Variants in RBM4 observed in about 807,000 individuals in gnomAD.
The protein encoded by RBM4 is RNA-binding protein 4.
A neutral mutation model predicts 29.5 loss-of-function variants in RBM4; 7 were observed. The ratio of observed to expected loss-of-function variants is 0.24; its 90% CI spans 0.14 to 0.45. The LOEUF (loss-of-function observed/expected upper bound fraction) is 0.45. Among genes scored for constraint, RBM4 ranks in the 20% least tolerant of loss-of-function variants. RBM4 has a pLI of 1.00. For synonymous variants in RBM4, 220 were observed against 205.4 expected (o/e 1.07, Z -0.61); for missense variants, 387 against 502.3 (o/e 0.77, Z 2.19).
In RBM4 at chr11:66,643,788, C is replaced by T. The variant is rs1938570079; in HGVS notation, c.751C>T (p.Gln251Ter). The T allele has an allele frequency of 6.2e-7, 1 of 1,614,004 alleles. No individual in the cohort carries two copies. The highest frequency in any genetic ancestry group is 8.5e-7 in the Non-Finnish European group (1 of 1,180,000). ...TAATTACGCAGAGCAGACCCTGTCC[C>T]AGCTGCCACAAGTCCAGAATACAGC... ...VYNYAEQTLS[Q>*]LPQVQNTAMA... The change falls in exon 3 of 4, where the codon CAG (glutamine) becomes TAG (stop). Residue 251 changes from glutamine to a stop codon, truncating the protein, a stop_gained. Transcript: ENST00000310092. LOFTEE classifies it high-confidence loss of function. This position sits in a 1 kb window ranked among gnomAD's most constrained non-coding sequence, Gnocchi z 6.1.
At chr11:66,650,176 G>T (rs1012288176), downstream of RBM4, among the ~76,000 whole-genome samples, 1 of 152,218 alleles carries the variant, frequency 6.6e-6, no homozygotes, top group Non-Finnish European at 1.5e-5. Context: ...TTGATGACAT[G>T]TGCCTCGGCC....
In RBM4 at chr11:66,644,150, G is replaced by C; in HGVS notation, c.*8+10G>C. The C allele has an allele frequency of 6.2e-7, 1 of 1,600,666 alleles. No individual in the cohort carries two copies. The highest frequency in any genetic ancestry group is 1.1e-5 in the South Asian group (1 of 89,000). On this transcript the variant is annotated intron_variant, in intron 3 of 3. Coordinates refer to ENST00000310092, the MANE Select transcript of RBM4 (RefSeq NM_002896.4). ...CCTTTTAAAGCTTGAGGTGAGAGGG[G>C]TGGGGTGTTCCCTCTTCTGGTTTTG... is the stretch of plus-strand genomic sequence containing the variant.
intron 1 of RBM4, chr11:66,639,480 A>G (rs912339977): frequency 3.3e-5 from 20 of 610,332 alleles, no homozygotes; most frequent in Middle Eastern, 4.4e-4. Context: ...TCTACTAAGG[A>G]CCTCCCTATT....
At position 66,646,162 on chromosome 11, in the gene RBM4, T is replaced by A. The variant is rs1174762737; in HGVS notation, c.*144T>A. The stretch of plus-strand genomic sequence containing the variant: ...AACCGTGGACCTTAATTTACCTTGC[T>A]AAGTTCAGACCTTCTCTTCCTTTCC... On this transcript the variant is annotated 3_prime_UTR_variant, in exon 4 of 4. Transcript: ENST00000310092. 1 of 1,524,574 alleles carries A rather than the reference T, an allele frequency of 6.6e-7. No homozygotes were observed. Among genetic ancestry groups the A allele is most frequent in the African/African-American group, 1.4e-5 (1 of 72,776 alleles). 94.4% of individuals were successfully genotyped at this position (1,524,574 alleles called of 1,614,324 possible). A position where few individuals can be genotyped will look rare whatever the true frequency, so the allele number is the denominator to read the frequency against.
intron 2 of RBM4, among the ~76,000 whole-genome samples, chr11:66,660,328 T>C (rs942413711): frequency 2.6e-5 from 4 of 151,194 alleles, no homozygotes; most frequent in African/African-American, 9.7e-5. Flanking sequence ...CACAATTTCT[T>C]TTTTTTTGAG....
At chr11:66,665,532 T>G in intron 2 of RBM4, 1 of 1,462,460 alleles carries the variant, frequency 6.8e-7, no homozygotes, top group South Asian at 1.2e-5. Context: ...CGGAGCAAGT[T>G]CTCATATATG....
At chr11:66,655,527 ACCTCGGCCTCCCAAAGTG>A (rs1360139969) in intron 2 of RBM4, among the ~76,000 whole-genome samples, 1 of 151,662 alleles carries the variant, frequency 6.6e-6, no homozygotes, top group Non-Finnish European at 1.5e-5. Flanking sequence ...AGCGATTCTC[ACCTCGGCCTCCCAAAGTG>A]CTGGGATTAT....
intron 2 of RBM4, among the ~76,000 whole-genome samples, chr11:66,660,349 CTCTTT>C (rs1265647706): frequency 6.9e-6 from 1 of 145,194 alleles, no homozygotes; most frequent in African/African-American, 2.5e-5. Context: ...ATGGGAGTCT[CTCTTT>C]TTTTTTTTTT....
intron 1 of RBM4, 40 bp from the exon 2 acceptor site, chr11:66,639,660 C>T (rs746849591): frequency 1.9e-6 from 3 of 1,596,484 alleles, no homozygotes; most frequent in African/African-American, 2.7e-5. Context: ...CGGATGTGGG[C>T]CTGAGGTCTT....
At chr11:66,644,718 A>G in intron 3 of RBM4, 7 of 971,602 alleles carry the variant, frequency 7.2e-6, no homozygotes, top group Non-Finnish European at 7.3e-6. Flanking sequence ...TTCAACCCTT[A>G]TGAGTTTTAT....
At position 66,662,642 on chromosome 11, in the gene RBM4, A is replaced by G. The variant is rs546905126; in HGVS notation, c.413-3214A>G. 7.2e-5 allele frequency among the ~76,000 whole-genome samples: 11 copies of G among 152,262 alleles called. No homozygotes were observed. The East Asian group carries it at 1.5e-3, about 21-fold the overall frequency. On this transcript the variant is annotated intron_variant, in intron 2 of 2. Transcript: ENST00000396053. ...GGTCTCAAACTCTTGAGCTCGGGCA[A>G]TCCACCTGCCTCAGCCTCCCAAAAT...
At chr11:66,640,580 C>T in intron 2 of RBM4, 1 of 243,582 alleles carries the variant, frequency 4.1e-6, no homozygotes, top group Non-Finnish European at 7.9e-6. Flanking sequence ...GCTGTCCTAC[C>T]TTACACAAAC....
downstream of RBM4, among the ~76,000 whole-genome samples, chr11:66,650,465 G>C (rs1938800689): frequency 6.6e-6 from 1 of 151,908 alleles, no homozygotes; most frequent in Non-Finnish European, 1.5e-5. Flanking sequence ...CATCTGCTTG[G>C]GAGGCTGAGG....
At chr11:66,655,778 T>C (rs922117681) in intron 2 of RBM4, among the ~76,000 whole-genome samples, 1 of 152,156 alleles carries the variant, frequency 6.6e-6, no homozygotes, top group African/African-American at 2.4e-5. Context: ...GTCAGGTAGT[T>C]AGCAGATCTA....
intron 2 of RBM4, among the ~76,000 whole-genome samples, chr11:66,657,370 C>T (rs1938969170): frequency 6.6e-6 from 1 of 151,544 alleles, no homozygotes; most frequent in Non-Finnish European, 1.5e-5. Context: ...AAGCTATACT[C>T]TTGTCTCAGC....
At chr11:66,664,413 G>T (rs1014744243) in intron 2 of RBM4, among the ~76,000 whole-genome samples, 4 of 152,038 alleles carry the variant, frequency 2.6e-5, no homozygotes, top group Non-Finnish European at 5.9e-5. Context: ...GTCTCCCAAA[G>T]TGCTGAGATT....
At chr11:66,663,702 A>ATGTGTGTGTGTGTGTGTGTG (rs66797662) in intron 2 of RBM4, among the ~76,000 whole-genome samples, 2 of 148,410 alleles carry the variant, frequency 1.3e-5, no homozygotes, top group East Asian at 3.9e-4. Flanking sequence ...GTGTGTGTAT[A>ATGTGTGTGTGTGTGTGTGTG]TGTGTGTGTG....
Position 66,643,719 on chromosome 11 carries a change from G to C in RBM4, c.682G>C (p.Ala228Pro), listed in dbSNP as rs199958821. The C allele has an allele frequency of 1.4e-5, 23 of 1,614,014 alleles. No individual in the cohort carries two copies. The highest frequency in any genetic ancestry group is 1.9e-5 in the Non-Finnish European group (22 of 1,180,024). Reference protein sequence around the residue: ...LDAYYKRCRAARSYEAVAAAA... With the variant: ...LDAYYKRCRAPRSYEAVAAAA... Reference sequence around the variant, plus strand: ...TGCCTACTACAAGCGCTGCCGTGCTGCCCGGTCCTATGAGGCAGTGGCAGC... The same window carrying C: ...TGCCTACTACAAGCGCTGCCGTGCTCCCCGGTCCTATGAGGCAGTGGCAGC... Residue 228 changes from alanine to proline, a missense_variant, in exon 3 of 4, where the codon GCC (alanine) becomes CCC (proline). Ala to Pro is a conservative substitution (Grantham distance 27, BLOSUM62 -1). Transcript: ENST00000310092. The surrounding 1 kb of genome is among the most constrained non-coding windows in gnomAD (Gnocchi z 6.1).
chr11:66,658,018 C>T (rs926671241), intron 2 of RBM4, among the ~76,000 whole-genome samples: 19 of 151,974 alleles, frequency 1.3e-4, no homozygotes, highest in Non-Finnish European at 2.8e-4. Context: ...CCTAGTCTGA[C>T]CCTTTTTTAA....
Sources: allele counts gnomAD v4.1 joint callset (sites outside exome capture counted in the v4.1 genomes callset), GRCh38; gene constraint gnomAD v4.1.1; non-coding constraint Gnocchi (gnomAD v3.1); transcripts MANE v1.5; gene names NCBI Gene and HGNC (gene_info 2026-07-23, HGNC 2026-07-21).